The following TMEM127 variants were observed in gnomAD, a reference collection of about 807,000 sequenced individuals.
TMEM127 encodes transmembrane protein 127.
In TMEM127, 21 loss-of-function variants were observed where a neutral mutation model predicts 20.1. The observed-to-expected ratio is 1.04, with a 90% confidence interval of 0.74 to 1.50. The LOEUF (loss-of-function observed/expected upper bound fraction) is 1.50, where lower values mean the gene tolerates loss of function less well. TMEM127 is among the 40% of genes most tolerant of loss of function. The pLI is 0.00. For synonymous variants in TMEM127, 150 were observed against 144.7 expected (o/e 1.04, Z -0.26); for missense variants, 303 against 317.4 (o/e 0.95, Z 0.34).
rs1228259447 is a variant in TMEM127, at chr2:96,253,562, G to A, written c.*246C>T. On this transcript the variant is annotated 3_prime_UTR_variant, in exon 4 of 4. Coordinates refer to ENST00000258439, the MANE Select transcript of TMEM127 (RefSeq NM_017849.4). The surrounding 1 kb of genome is among the most constrained non-coding windows in gnomAD (Gnocchi z 4.3). The stretch of plus-strand genomic sequence containing the variant: ...GACCTTCCCTGGCTGGTAATGACTC[G>A]TGAATGTGAAGGGGGCAGGATGTGG... 1.9e-5 allele frequency: 10 copies of A among 527,852 alleles called. No individual in the cohort carries two copies. The highest frequency in any genetic ancestry group is 6.1e-5 in the East Asian group (2 of 32,918). 32.7% of individuals were successfully genotyped at this position (527,852 alleles called of 1,614,324 possible).
intron 2 of TMEM127, among the ~76,000 whole-genome samples, chr2:96,257,991 G>C (rs1345874253): frequency 1.3e-5 from 2 of 152,158 alleles, no homozygotes; most frequent in East Asian, 3.8e-4. Context: ...CTTTTATTTA[G>C]GCCATGGGTC....
Position 96,265,914 on chromosome 2 carries a change from A to C in TMEM127, c.-177T>G. On this transcript the variant is annotated 5_prime_UTR_variant, in exon 1 of 4. Coordinates refer to ENST00000258439, the MANE Select transcript of TMEM127 (RefSeq NM_017849.4). ...TGGGATGGTGCTGCTCAGCCCAGTC[A>C]CGGGCTTCTCGGCTGCCGGGGGCCG... 5.9e-6 allele frequency: 1 copy of C among 168,512 alleles called. No individual in the cohort carries two copies. Among genetic ancestry groups the C allele is most frequent in the Non-Finnish European group, 1.3e-5 (1 of 78,924 alleles). The allele number at this position is 168,512 out of a possible 1,614,324, so 10.4% of individuals were successfully genotyped here. A position where few individuals can be genotyped will look rare whatever the true frequency, so the allele number is the denominator to read the frequency against.
At chr2:96,254,528 C>CTT (rs1684161882) in intron 3 of TMEM127, among the ~76,000 whole-genome samples, 1 of 152,190 alleles carries the variant, frequency 6.6e-6, no homozygotes. Context: ...TGCCTGGTTC[C>CTT]TTCTTCACTC....
Position 96,254,962 on chromosome 2 carries a change from G to C in TMEM127, c.280C>G (p.Arg94Gly), listed in dbSNP as rs121908824. 1 of 1,614,232 alleles carries C rather than the reference G, an allele frequency of 6.2e-7. No homozygotes were observed. Among genetic ancestry groups the C allele is most frequent in the South Asian group, 1.1e-5 (1 of 91,084 alleles). Reference sequence around the variant, plus strand: ...AGGAAACAGAAGGCGGCGATGACCCGCAGGAGCAGCACTGTCTGGGGATTC... The same window carrying C: ...AGGAAACAGAAGGCGGCGATGACCCCCAGGAGCAGCACTGTCTGGGGATTC... ...CMNPQTVLLL[R>G]VIAAFCFLGI... The change falls in exon 3 of 4, where the codon CGG becomes GGG. Residue 94 changes from arginine (R) to glycine (G), a missense_variant. Arg to Gly is a moderately radical substitution (Grantham distance 125). Transcript: ENST00000258439.
intron 2 of TMEM127, among the ~76,000 whole-genome samples, chr2:96,264,198 A>G (rs1684367091): frequency 6.6e-6 from 1 of 152,218 alleles, no homozygotes; most frequent in Admixed American, 6.5e-5. Flanking sequence ...GGGAACTTGG[A>G]CCTTTTCACC....
intron 2 of TMEM127, among the ~76,000 whole-genome samples, chr2:96,256,946 C>T (rs1042847280): frequency 2.6e-5 from 4 of 152,188 alleles, no homozygotes; most frequent in Non-Finnish European, 5.9e-5. Flanking sequence ...GAAGCCACCA[C>T]ATTTATACCA....
At chr2:96,255,087 C>A in intron 2 of TMEM127, 90 bp from the exon 3 acceptor site, 2 of 1,551,574 alleles carry the variant, frequency 1.3e-6, no homozygotes, top group Non-Finnish European at 1.8e-6. Context: ...CCCTCCACCA[C>A]AGTCCTGGGA....
rs1464777501 is a variant in TMEM127, at chr2:96,254,882, A to T, written c.360T>A (p.His120Gln). 1.2e-6 allele frequency: 2 copies of T among 1,614,118 alleles called. No homozygotes were observed. The highest frequency in any genetic ancestry group is 1.7e-6 in the Non-Finnish European group (2 of 1,179,980). Residue 120 changes from histidine to glutamine, a missense_variant, in exon 3 of 4, where the codon CAT (histidine) becomes CAA (glutamine). By Grantham distance (24) the His-to-Gln change is conservative. Transcript: ENST00000258439. ...AGCGACGAGTGATCTTCAGAGCAGGATGCTTCGGCCCAAAGACATCCAGAA... is the reference window on the plus strand; with the variant it reads ...AGCGACGAGTGATCTTCAGAGCAGGTTGCTTCGGCCCAAAGACATCCAGAA... ...AFLLDVFGPK[H>Q]PALKITRRYA...
chr2:96,253,417 G>GT lies in TMEM127; in HGVS notation c.*390_*391insA. 4 of 295,276 alleles carry GT rather than the reference G, an allele frequency of 1.4e-5. No homozygotes were observed. Among genetic ancestry groups the GT allele is most frequent in the South Asian group, 1.5e-4 (2 of 13,360 alleles). The allele number at this position is 295,276 out of a possible 1,614,324, so 18.3% of individuals were successfully genotyped here. A position where few individuals can be genotyped will look rare whatever the true frequency, so the allele number is the denominator to read the frequency against. On this transcript the variant is annotated 3_prime_UTR_variant, in exon 4 of 4. Transcript: ENST00000258439. This position sits in a 1 kb window ranked among gnomAD's most constrained non-coding sequence, Gnocchi z 4.3. ...TGATCCCTGTGAAGTGAGCCTCCAG[G>GT]GCACAGTCCCCTTTCCCTTGGGCCC...
chr2:96,262,442 G>A (rs898032687), intron 2 of TMEM127, among the ~76,000 whole-genome samples: 1 of 152,070 alleles, frequency 6.6e-6, no homozygotes, highest in South Asian at 2.1e-4. Flanking sequence ...AAACCAGTAG[G>A]TACAAAGAAA....
In TMEM127 at chr2:96,249,179, C is replaced by G. The variant is rs1157923309; in HGVS notation, c.*4629G>C. The G allele has an allele frequency of 9.2e-6, 2 of 217,580 alleles. No homozygotes were observed. Among genetic ancestry groups the G allele is most frequent in the Non-Finnish European group, 9.2e-6 (1 of 108,396 alleles). The allele number at this position is 217,580 out of a possible 1,614,324, so 13.5% of individuals were successfully genotyped here. On this transcript the variant is annotated 3_prime_UTR_variant, in exon 4 of 4. Transcript: ENST00000258439. ...GTGGCATGATCTCGGCTCACTGCAA[C>G]CTCTGCCTCCCGGGTTCAAGTGATT...
At position 96,252,561 on chromosome 2, in the gene TMEM127, C is replaced by T. The variant is rs1434172783; in HGVS notation, c.*1247G>A. On this transcript the variant is annotated 3_prime_UTR_variant, in exon 4 of 4. Transcript: ENST00000258439. The surrounding 1 kb of genome is among the most constrained non-coding windows in gnomAD (Gnocchi z 4.2). ...AGTACATTCAAGAGGGGAGAGGGCA[C>T]GTGGCAAGCTGGAGTCCCGAGTCAG... 3.4e-5 allele frequency: 8 copies of T among 233,878 alleles called. No homozygotes were observed. 14.5% of individuals were successfully genotyped at this position (233,878 alleles called of 1,614,324 possible).
chr2:96,255,129 C>G (rs930526339), intron 2 of TMEM127, 132 bp from the exon 3 acceptor site: 2 of 1,287,354 alleles, frequency 1.6e-6, no homozygotes, highest in East Asian at 5.1e-5. Context: ...GCTGTCTTAG[C>G]CCCTGCTCCT....
intron 2 of TMEM127, among the ~76,000 whole-genome samples, chr2:96,264,317 G>A (rs1684369237): frequency 6.6e-6 from 1 of 152,226 alleles, no homozygotes; most frequent in Non-Finnish European, 1.5e-5. Flanking sequence ...CCAGGGAATA[G>A]CACAGACAGG....
At chr2:96,262,915 G>C (rs894181278) in intron 2 of TMEM127, among the ~76,000 whole-genome samples, 1 of 152,218 alleles carries the variant, frequency 6.6e-6, no homozygotes, top group Non-Finnish European at 1.5e-5. Flanking sequence ...CTGACCTCAG[G>C]TGATCCATCC....
At chr2:96,254,790 C>G in intron 3 of TMEM127, 43 bp downstream of exon 3, 1 of 1,612,976 alleles carries the variant, frequency 6.2e-7, no homozygotes, top group South Asian at 1.1e-5. Flanking sequence ...TGCCCCCACC[C>G]TGTAGCAGTT....
rs1258402007 is a variant in TMEM127, at chr2:96,253,512, C to T, written c.*296G>A. ...AGGAAAGTCTCGGTCCCAAAGATAT[C>T]GCCCATGCTGGAGGAAACTTGGATG... On this transcript the variant is annotated 3_prime_UTR_variant, in exon 4 of 4. Coordinates refer to ENST00000258439, the MANE Select transcript of TMEM127 (RefSeq NM_017849.4). This position sits in a 1 kb window ranked among gnomAD's most constrained non-coding sequence, Gnocchi z 4.3. 5 of 455,224 alleles carry T rather than the reference C, an allele frequency of 1.1e-5. No individual in the cohort carries two copies. The Admixed American group carries it at 1.1e-4, about 10-fold the overall frequency. The allele number at this position is 455,224 out of a possible 1,614,324, so 28.2% of individuals were successfully genotyped here.
At chr2:96,255,898 T>C (rs1374937500) in intron 2 of TMEM127, among the ~76,000 whole-genome samples, 1 of 151,998 alleles carries the variant, frequency 6.6e-6, no homozygotes, top group Non-Finnish European at 1.5e-5. Flanking sequence ...GAGGACTGCT[T>C]GCGCCCAGGA....
chr2:96,254,825 C>T lies in TMEM127; in HGVS notation c.409+8G>A, dbSNP rs749887924. 1.4e-5 allele frequency: 23 copies of T among 1,613,954 alleles called. No homozygotes were observed. Among genetic ancestry groups the T allele is most frequent in the Admixed American group, 1.0e-4 (6 of 60,010 alleles). ...TCCTCTCCCACTGTGAGCAGGCTCA[C>T]GGCTTACCCGTTAGGATATGGGCGA... On this transcript the variant is annotated splice_region_variant and intron_variant, in intron 3 of 3. Coordinates refer to ENST00000258439, the MANE Select transcript of TMEM127 (RefSeq NM_017849.4).
Sources: allele counts gnomAD v4.1 joint callset (sites outside exome capture counted in the v4.1 genomes callset), GRCh38; gene constraint gnomAD v4.1.1; non-coding constraint Gnocchi (gnomAD v3.1); transcripts MANE v1.5; gene names NCBI Gene and HGNC (gene_info 2026-07-23, HGNC 2026-07-21).